Variants in MIPEP observed in about 807,000 individuals in gnomAD.
The protein encoded by MIPEP is mitochondrial intermediate peptidase.
MIPEP carries 79 observed loss-of-function variants against 90.3 expected under a neutral mutation model. The ratio of observed to expected loss-of-function variants is 0.87; its 90% CI spans 0.73 to 1.05. The LOEUF (loss-of-function observed/expected upper bound fraction) is 1.05, where lower values mean the gene tolerates loss of function less well. Among genes scored for constraint, MIPEP ranks in the 50% least tolerant of loss-of-function variants. The probability of loss-of-function intolerance (pLI) is 0.00; values close to 1 mark genes in which losing one functional copy is unlikely to be tolerated. For missense variants in MIPEP, 940 were observed against 905.6 expected (o/e 1.04, Z -0.49); for synonymous variants, 334 against 315.8 (o/e 1.06, Z -0.61).
intron 10 of MIPEP, among the ~76,000 whole-genome samples, chr13:23,846,256 C>G (rs929581942): frequency 6.6e-6 from 1 of 152,010 alleles, no homozygotes; most frequent in Admixed American, 6.6e-5. Flanking sequence ...TTTATTTTGC[C>G]AACATTTACT....
intron 14 of MIPEP, among the ~76,000 whole-genome samples, chr13:23,834,486 G>A (rs1194179820): frequency 1.3e-5 from 2 of 152,210 alleles, no homozygotes; most frequent in African/African-American, 2.4e-5. Context: ...TAAAGACCGC[G>A]GGCAATGGGA....
chr13:23,858,713 C>T (rs1870153500), intron 10 of MIPEP, 147 bp downstream of exon 10: 2 of 664,812 alleles, frequency 3.0e-6, no homozygotes, highest in Non-Finnish European at 5.4e-6. Flanking sequence ...CTGAAGAATA[C>T]ATGAGTGGAG....
intron 14 of MIPEP, among the ~76,000 whole-genome samples, chr13:23,816,882 T>C (rs937648735): frequency 6.6e-6 from 1 of 152,184 alleles, no homozygotes; most frequent in Admixed American, 6.5e-5. Flanking sequence ...TCCAGATTGA[T>C]ATTCCAGTCC....
chr13:23,765,375 A>G (rs1952582782), intron 16 of MIPEP, among the ~76,000 whole-genome samples: 3 of 152,226 alleles, frequency 2.0e-5, no homozygotes, highest in Admixed American at 2.0e-4. Context: ...GGGAGACACC[A>G]CATTCATAAA....
chr13:23,804,048 G>A (rs879800230), intron 16 of MIPEP, among the ~76,000 whole-genome samples: 42 of 152,198 alleles, frequency 2.8e-4, no homozygotes, highest in Non-Finnish European at 1.9e-4. Flanking sequence ...CAAGGCACAC[G>A]GACTTAGCAT....
chr13:23,886,602 G>A, intron 1 of MIPEP, 96 bp from the exon 2 acceptor site: 8 of 999,200 alleles, frequency 8.0e-6, no homozygotes, highest in Non-Finnish European at 1.1e-5. Context: ...AGGAGATCTT[G>A]ACTTTCATTG....
intron 14 of MIPEP, among the ~76,000 whole-genome samples, chr13:23,816,758 A>G (rs1219056535): frequency 6.6e-6 from 1 of 152,176 alleles, no homozygotes; most frequent in African/African-American, 2.4e-5. Flanking sequence ...TTCCTACAAC[A>G]CGGAGGAAGC....
chr13:23,876,591 G>A lies in MIPEP; in HGVS notation c.540-1682C>T, dbSNP rs530503220. 4.4e-3 allele frequency among the ~76,000 whole-genome samples: 626 copies of A among 142,070 alleles called. 4 individuals are homozygous for A. Among genetic ancestry groups the A allele is most frequent in the African/African-American group, 0.015 (610 of 39,596 alleles). The allele number at this position is 142,070 out of a possible 152,430, so 93.2% of individuals were successfully genotyped here. ...TCTTTTGCCCATTTTTCTATAAGGG[G>A]GGTTTTTGTTCTTCTTTTTTTAAAG... On this transcript the variant is annotated intron_variant, in intron 4 of 18. Coordinates refer to ENST00000382172, the MANE Select transcript of MIPEP (RefSeq NM_005932.4).
chr13:23,840,379 T>C (rs1869242463), intron 11 of MIPEP, among the ~76,000 whole-genome samples: 2 of 152,232 alleles, frequency 1.3e-5, no homozygotes, highest in Admixed American at 1.3e-4. Context: ...TTCAAGACAC[T>C]GAGGATACAG....
chr13:23,759,114 A>G (rs1952514409), intron 17 of MIPEP, among the ~76,000 whole-genome samples: 1 of 152,340 alleles, frequency 6.6e-6, no homozygotes, highest in South Asian at 2.1e-4. Context: ...CTCTGACACC[A>G]GATTATAATT....
intron 11 of MIPEP, among the ~76,000 whole-genome samples, chr13:23,840,391 AG>A (rs1869242897): frequency 6.6e-6 from 1 of 152,250 alleles, no homozygotes; most frequent in Non-Finnish European, 1.5e-5. Flanking sequence ...AGGATACAGA[AG>A]TGAATGCAAC....
At chr13:23,870,272 T>G in intron 5 of MIPEP, 77 bp from the exon 6 acceptor site, 1 of 955,658 alleles carries the variant, frequency 1.0e-6, no homozygotes, top group African/African-American at 1.7e-5. Flanking sequence ...AAAATATAAA[T>G]ATGTCAAATC....
chr13:23,778,466 G>A (rs1271058947), intron 16 of MIPEP, among the ~76,000 whole-genome samples: 1 of 152,174 alleles, frequency 6.6e-6, no homozygotes, highest in Non-Finnish European at 1.5e-5. Context: ...GCAACTAGCT[G>A]TGCATTATCA....
intron 9 of MIPEP, among the ~76,000 whole-genome samples, chr13:23,860,573 G>A (rs1870248959): frequency 1.3e-5 from 2 of 152,124 alleles, no homozygotes; most frequent in Non-Finnish European, 2.9e-5. Context: ...GTAGTAGGAA[G>A]GGAAACTGGA....
At chr13:23,843,399 C>G (rs750482610) in intron 10 of MIPEP, among the ~76,000 whole-genome samples, 6 of 152,194 alleles carry the variant, frequency 3.9e-5, no homozygotes, top group Non-Finnish European at 8.8e-5. Flanking sequence ...GCCATGGCCT[C>G]TAAGCTTCCT....
At chr13:23,846,170 TATAG>T (rs1288747411) in intron 10 of MIPEP, among the ~76,000 whole-genome samples, 1 of 152,214 alleles carries the variant, frequency 6.6e-6, no homozygotes, top group African/African-American at 2.4e-5. Flanking sequence ...TGTTGTTACA[TATAG>T]ATATAGATAT....
chr13:23,771,360 T>C (rs1310339264), intron 16 of MIPEP, among the ~76,000 whole-genome samples: 2 of 152,130 alleles, frequency 1.3e-5, no homozygotes, highest in African/African-American at 4.8e-5. Context: ...TCAATAAATA[T>C]TTACACAAAC....
At chr13:23,785,865 A>G (rs1952834232) in intron 16 of MIPEP, among the ~76,000 whole-genome samples, 1 of 151,778 alleles carries the variant, frequency 6.6e-6, no homozygotes, top group Admixed American at 6.6e-5. Flanking sequence ...GCATATGAAA[A>G]CCTAGTATCT....
intron 18 of MIPEP, among the ~76,000 whole-genome samples, chr13:23,733,183 G>C (rs1565975704): frequency 6.6e-6 from 1 of 152,196 alleles, no homozygotes; most frequent in Non-Finnish European, 1.5e-5. Context: ...AGCATACAAA[G>C]TGCAGTCAGT....
Sources: allele counts gnomAD v4.1 joint callset (sites outside exome capture counted in the v4.1 genomes callset), GRCh38; gene constraint gnomAD v4.1.1; transcripts MANE v1.5; gene names NCBI Gene and HGNC (gene_info 2026-07-23, HGNC 2026-07-21).